Variants in TPTE2 observed in about 807,000 individuals in gnomAD.
TPTE2 encodes the protein phosphatidylinositol 3,4,5-trisphosphate 3-phosphatase TPTE2.
A neutral mutation model predicts 78.6 loss-of-function variants in TPTE2; 53 were observed. The observed-to-expected ratio is 0.67, with a 90% CI of 0.54 to 0.85. The LOEUF is 0.85. Ranked by LOEUF, TPTE2 falls within the 40% of genes least tolerant of loss-of-function variation. TPTE2 has a pLI of 0.00. For missense variants in TPTE2, 461 were observed against 623.0 expected, an observed-to-expected ratio of 0.74 and a Z score of 2.77; for synonymous variants, 175 against 206.2, an observed-to-expected ratio of 0.85 and a Z score of 1.30.
chr13:19,456,688 G>C (rs1234860863), intron 10 of TPTE2, among the ~76,000 whole-genome samples: 1 of 152,150 alleles, frequency 6.6e-6, no homozygotes, highest in Non-Finnish European at 1.5e-5. Flanking sequence ...TCATGAGTTG[G>C]AAATCTTAAT....
chr13:19,444,319 A>G (rs1178857902), intron 13 of TPTE2, among the ~76,000 whole-genome samples: 1 of 9,320 alleles, frequency 1.1e-4, no homozygotes. Context: ...AAAAAAAAAA[A>G]AAAAAAAAAA....
At chr13:19,489,500 CAT>C (rs1269557560) in intron 3 of TPTE2, among the ~76,000 whole-genome samples, 1 of 149,896 alleles carries the variant, frequency 6.7e-6, no homozygotes, top group Non-Finnish European at 1.5e-5. Context: ...TACACATGCT[CAT>C]ATATATATTA....
At chr13:19,523,945 T>C (rs553617532) in intron 1 of TPTE2, among the ~76,000 whole-genome samples, 3 of 152,286 alleles carry the variant, frequency 2.0e-5, no homozygotes, top group South Asian at 2.1e-4. Flanking sequence ...TTAGTTAACA[T>C]TGTGGCTGCC....
In TPTE2 at chr13:19,493,429, TTAAC is replaced by T; in HGVS notation, c.65+15_65+18del. 6.2e-7 allele frequency: 1 copy of T among 1,613,308 alleles called. No homozygotes were observed. Among genetic ancestry groups the T allele is most frequent in the Non-Finnish European group, 8.5e-7 (1 of 1,179,322 alleles). ...CACTTATGCTGACGGGTGACTTTATTTAACTATTTATTACTTACCTTTCTTTCGC... is the reference window on the plus strand; with the variant it reads ...CACTTATGCTGACGGGTGACTTTATTTATTTATTACTTACCTTTCTTTCGC... On this transcript the variant is annotated intron_variant, in intron 2 of 19. Transcript: ENST00000400230.
chr13:19,522,882 T>C (rs998156188), intron 1 of TPTE2, among the ~76,000 whole-genome samples: 11 of 152,096 alleles, frequency 7.2e-5, no homozygotes, highest in Non-Finnish European at 1.2e-4. Flanking sequence ...CGCCTCAGCC[T>C]CCCAAAGTGC....
chr13:19,492,947 C>T, intron 2 of TPTE2, 44 bp from the exon 6 acceptor site: 1 of 1,609,512 alleles, frequency 6.2e-7, no homozygotes, highest in Non-Finnish European at 8.5e-7. Flanking sequence ...AGACACGATT[C>T]TAAATTTACT....
At chr13:19,466,131 G>A (rs1161456171) in intron 7 of TPTE2, among the ~76,000 whole-genome samples, 1 of 152,122 alleles carries the variant, frequency 6.6e-6, no homozygotes, top group Non-Finnish European at 1.5e-5. Context: ...AACCACCAAA[G>A]CAGAGAACTG....
chr13:19,429,844 T>C (rs1876420934), intron 17 of TPTE2, among the ~76,000 whole-genome samples: 1 of 152,244 alleles, frequency 6.6e-6, no homozygotes, highest in Non-Finnish European at 1.5e-5. Flanking sequence ...CATTTCTTCA[T>C]TGTAGCAAAA....
intron 13 of TPTE2, among the ~76,000 whole-genome samples, chr13:19,441,461 T>A (rs1877489169): frequency 6.6e-6 from 1 of 152,204 alleles, no homozygotes; most frequent in African/African-American, 2.4e-5. Flanking sequence ...AAAAGTATTT[T>A]GCCCATTAAA....
At chr13:19,560,759 C>G in the TPTE2 span, 1,104,121 of 1,457,216 alleles carry the variant, frequency 0.76, 422,314 homozygotes, top group East Asian at 0.91. Context: ...GCAGGGAAGG[C>G]GCCCGGGAAG....
chr13:19,542,343 A>T, the TPTE2 span, among the ~76,000 whole-genome samples: 1 of 152,202 alleles, frequency 6.6e-6, no homozygotes, highest in Admixed American at 6.5e-5. Context: ...TCAGGGTCTC[A>T]CAAGGCTGTA....
intron 1 of TPTE2, among the ~76,000 whole-genome samples, chr13:19,534,927 G>A (rs1399718504): frequency 6.6e-6 from 1 of 152,140 alleles, no homozygotes; most frequent in Non-Finnish European, 1.5e-5. Flanking sequence ...CTCTTGCTGG[G>A]CACGGTGGCT....
chr13:19,429,016 A>C (rs1464123911), intron 17 of TPTE2, among the ~76,000 whole-genome samples: 1 of 152,244 alleles, frequency 6.6e-6, no homozygotes, highest in Non-Finnish European at 1.5e-5. Flanking sequence ...TATAGTTCAC[A>C]AAGAAACTTC....
intron 1 of TPTE2, among the ~76,000 whole-genome samples, chr13:19,497,899 T>C (rs1174567258): frequency 9.9e-5 from 15 of 151,184 alleles, no homozygotes; most frequent in Non-Finnish European, 2.1e-4. Flanking sequence ...TTGAAAACTT[T>C]GAAAAAAATT....
In TPTE2 at chr13:19,437,686, C is replaced by G. The variant is rs143824321; in HGVS notation, c.1035+406G>C. On this transcript the variant is annotated intron_variant, in intron 14 of 19. Transcript: ENST00000400230. Reference sequence around the variant, plus strand: ...CATGTTGATTACTGAATGTTTTTTTCTGTGTAACATGACTTTACTCCCCTC... The same window carrying G: ...CATGTTGATTACTGAATGTTTTTTTGTGTGTAACATGACTTTACTCCCCTC... Among the ~76,000 whole-genome samples the G allele has an allele frequency of 2.2e-3, 336 of 152,248 alleles. 1 individual carries two copies. Among genetic ancestry groups the G allele is most frequent in the African/African-American group, 7.7e-3 (320 of 41,558 alleles).
the TPTE2 span, chr13:19,561,237 G>A: frequency 7.6e-7 from 1 of 1,318,444 alleles, no homozygotes; most frequent in Non-Finnish European, 1.1e-6. Context: ...GTGGCTCACT[G>A]CCCACCACCT....
intron 10 of TPTE2, 92 bp from the exon 14 acceptor site, chr13:19,451,317 A>C (rs1878171320): frequency 6.6e-7 from 1 of 1,513,916 alleles, no homozygotes; most frequent in Non-Finnish European, 9.1e-7. Context: ...TACTTTTATT[A>C]ATTTGTCTCT....
At chr13:19,519,492 G>T (rs1000155530) in intron 1 of TPTE2, among the ~76,000 whole-genome samples, 1 of 152,088 alleles carries the variant, frequency 6.6e-6, no homozygotes, top group African/African-American at 2.4e-5. Flanking sequence ...TCATTCATTT[G>T]TATGTGGAGA....
chr13:19,524,827 A>G (rs1870399226), intron 1 of TPTE2, among the ~76,000 whole-genome samples: 1 of 152,144 alleles, frequency 6.6e-6, no homozygotes. Context: ...AAAAGATCAT[A>G]ATGAACAAAT....
Sources: gnomAD v4.1 joint callset for allele counts (sites outside exome capture counted in the v4.1 genomes callset) on GRCh38, gnomAD v4.1.1 for gene constraint, MANE v1.5 for transcripts, NCBI Gene and HGNC (gene_info 2026-07-23, HGNC 2026-07-21) for gene names.